GPR108: variants seen among roughly 807,000 people sequenced by gnomAD.
GPR108 encodes G protein-coupled receptor 108.
Under a neutral mutation model 74.3 loss-of-function variants are expected in GPR108, and 60 were observed. The observed-to-expected ratio is 0.81, with a 90% CI of 0.66 to 1.00. The LOEUF (loss-of-function observed/expected upper bound fraction) is 1.00, where lower values mean the gene tolerates loss of function less well. GPR108 is among the 50% of genes least tolerant of loss of function. GPR108 has a pLI of 0.00. For missense variants in GPR108, 667 were observed against 703.3 expected, an observed-to-expected ratio of 0.95 and a Z score of 0.58; for synonymous variants, 311 against 292.4, an observed-to-expected ratio of 1.06 and a Z score of -0.65.
chr19:6,737,302 C>T (rs1452808680), intron 1 of GPR108, 155 bp downstream of exon 1: 13 of 990,908 alleles, frequency 1.3e-5, no homozygotes, highest in Middle Eastern at 3.3e-4. Flanking sequence ...AAGGGGATCC[C>T]GGGACGAGAC....
In GPR108 at chr19:6,732,095, C is replaced by T. The variant is rs772339149; in HGVS notation, c.1186G>A (p.Val396Met). 2.3e-5 allele frequency: 37 copies of T among 1,613,882 alleles called. No individual in the cohort carries two copies. The East Asian group carries it at 4.5e-4, about 19-fold the overall frequency. The change falls in exon 13 of 18, where the codon GTG becomes ATG. Residue 396 changes from valine to methionine, a missense_variant. Coordinates refer to ENST00000264080, the MANE Select transcript of GPR108 (RefSeq NM_001080452.2). ...AGGAACAAAATCTCCTTCCACAGCA[C>T]GTAGTCGCTGGCGCCTTCCTCGCGG... ...ESREEGASDY[V>M]LWKEILFLVD...
At chr19:6,736,244 C>G (rs1411075257) in intron 2 of GPR108, among the ~76,000 whole-genome samples, 1 of 152,136 alleles carries the variant, frequency 6.6e-6, no homozygotes, top group African/African-American at 2.4e-5. Flanking sequence ...ACAGGCACAC[C>G]TCACCACGCC....
At position 6,734,181 on chromosome 19, in the gene GPR108, A is replaced by G; in HGVS notation, c.499+2T>C. 1 of 1,614,180 alleles carries G rather than the reference A, an allele frequency of 6.2e-7. No individual in the cohort carries two copies. The highest frequency in any genetic ancestry group is 8.5e-7 in the Non-Finnish European group (1 of 1,180,026). On this transcript the variant is annotated splice_donor_variant, in intron 5 of 17. Coordinates refer to ENST00000264080, the MANE Select transcript of GPR108 (RefSeq NM_001080452.2). LOFTEE classifies it high-confidence loss of function. ...CCCGTCTGCACAGCCAGCCTGACTCACCGCCATCCACCTTGCGGGGGACTG... is the reference window on the plus strand; with the variant it reads ...CCCGTCTGCACAGCCAGCCTGACTCGCCGCCATCCACCTTGCGGGGGACTG...
At chr19:6,736,837 TGAC>T in intron 1 of GPR108, 126 bp from the exon 2 acceptor site, 1 of 1,346,420 alleles carries the variant, frequency 7.4e-7, no homozygotes, top group Non-Finnish European at 1.0e-6. Flanking sequence ...GCCCAGAGGA[TGAC>T]AAGAGAAAGT....
chr19:6,732,415 G>C, intron 11 of GPR108, 35 bp from the exon 12 acceptor site: 1 of 1,610,354 alleles, frequency 6.2e-7, no homozygotes, highest in Non-Finnish European at 8.5e-7. Flanking sequence ...TGATGAGGTG[G>C]GGGGCCAACC....
At position 6,733,176 on chromosome 19, in the gene GPR108, G is replaced by A. The variant is rs1157462719; in HGVS notation, c.849C>T (p.Cys283=). The A allele has an allele frequency of 2.5e-6, 4 of 1,613,966 alleles. No individual in the cohort carries two copies. The East Asian group carries it at 8.9e-5, about 36-fold the overall frequency. ...AGGGGCAGGGGCATTACGTGTTCCT[G>A]CAGAGGATGGACACCCAGAAGATGC... ...AAGIFWVSIL[C]RNTYSVFKIH... Residue 283 remains cysteine, a synonymous_variant, in exon 9 of 18, where the codon TGC becomes TGT. Transcript: ENST00000264080.
chr19:6,737,107 G>GC (rs1412704765), intron 1 of GPR108: 18 of 387,698 alleles, frequency 4.6e-5, no homozygotes, highest in African/African-American at 2.3e-4. Context: ...CCACTCTATA[G>GC]CCCCCCAGGA....
intron 4 of GPR108, 191 bp downstream of exon 4, chr19:6,735,431 C>T (rs1305029330): frequency 1.7e-6 from 1 of 585,764 alleles, no homozygotes; most frequent in East Asian, 2.9e-5. Flanking sequence ...GTCTTCTGCC[C>T]TGAGACACCA....
At chr19:6,734,982 G>A (rs1599546770) in intron 4 of GPR108, among the ~76,000 whole-genome samples, 2 of 152,006 alleles carry the variant, frequency 1.3e-5, no homozygotes, top group East Asian at 3.9e-4. Flanking sequence ...CCCAGCTCAG[G>A]AGATCCTCTC....
intron 1 of GPR108, 139 bp downstream of exon 1, chr19:6,737,318 C>T: frequency 8.8e-7 from 1 of 1,140,814 alleles, no homozygotes; most frequent in Non-Finnish European, 1.2e-6. Flanking sequence ...GAGACCACTC[C>T]GGGCCCGGAA....
At position 6,735,925 on chromosome 19, in the gene GPR108, T is replaced by A; in HGVS notation, c.274A>T (p.Arg92Ter). Residue 92 changes from arginine (R) to a stop codon, truncating the protein, a stop_gained, in exon 3 of 18, where the codon AGA becomes TGA. Coordinates refer to ENST00000264080, the MANE Select transcript of GPR108 (RefSeq NM_001080452.2). LOFTEE classifies it high-confidence loss of function. The part of the protein sequence containing the change: ...GFSLSRVRSG[R>*]VRSYSTRDFQ... Reference sequence around the variant, plus strand: ...CCACTCACTGAATAGGAGCGAACTCTGCCAGACCGAACCCGGCTGAGACTG... The same window carrying A: ...CCACTCACTGAATAGGAGCGAACTCAGCCAGACCGAACCCGGCTGAGACTG... 1 of 1,611,746 alleles carries A rather than the reference T, an allele frequency of 6.2e-7. No homozygotes were observed. The highest frequency in any genetic ancestry group is 8.5e-7 in the Non-Finnish European group (1 of 1,178,902).
intron 4 of GPR108, chr19:6,735,262 G>A (rs1211599386): frequency 5.5e-6 from 1 of 182,512 alleles, no homozygotes; most frequent in African/African-American, 2.4e-5. Context: ...CCTGGCCCCA[G>A]AATCCCAGTT....
At chr19:6,734,832 A>G (rs1188657665) in intron 4 of GPR108, among the ~76,000 whole-genome samples, 1 of 150,438 alleles carries the variant, frequency 6.6e-6, no homozygotes, top group Non-Finnish European at 1.5e-5. Flanking sequence ...GGCATGAGCC[A>G]CCATGGCCAG....
intron 3 of GPR108, 101 bp downstream of exon 3, chr19:6,735,807 C>A: frequency 6.5e-7 from 1 of 1,527,116 alleles, no homozygotes; most frequent in Non-Finnish European, 9.0e-7. Context: ...CTGCTCCTGC[C>A]TCTGACAAAG....
chr19:6,730,620 T>C (rs12981348), intron 17 of GPR108: 331,609 of 535,426 alleles, frequency 0.62, 104,528 homozygotes, highest in Non-Finnish European at 0.67. Context: ...CCACCCACTC[T>C]ACCCGTAACC....
chr19:6,734,036 C>G lies in GPR108; in HGVS notation c.518G>C (p.Ser173Thr). The change falls in exon 6 of 18, where the codon AGC (serine) becomes ACC (threonine). Residue 173 changes from serine (S) to threonine (T), a missense_variant. Physicochemically the swap from Ser to Thr is moderately conservative, Grantham distance 58. Coordinates refer to ENST00000264080, the MANE Select transcript of GPR108 (RefSeq NM_001080452.2). ...CACTGCGGGTGTTGACTTGGGCTTG[C>G]TGGCTGCAGAGGTCCCTCCTGTAAG... ...KVDGGGTSAASKPKSTPAVIQ... is the reference protein window; with the variant it reads ...KVDGGGTSAATKPKSTPAVIQ... The G allele has an allele frequency of 1.9e-6, 3 of 1,614,180 alleles. No individual in the cohort carries two copies. Among genetic ancestry groups the G allele is most frequent in the Non-Finnish European group, 2.5e-6 (3 of 1,180,034 alleles).
Position 6,736,573 on chromosome 19 carries a change from ACTC to A in GPR108, c.240+16_240+18del, listed in dbSNP as rs763171191. 41 of 1,609,650 alleles carry A rather than the reference ACTC, an allele frequency of 2.5e-5. No homozygotes were observed. Among genetic ancestry groups the A allele is most frequent in the Admixed American group, 6.7e-5 (4 of 59,290 alleles). ...ATTGCACCGTGCTCTCCTCCAGCAAACTCCTCAAGGTCCCTCACCAGCAGGGAC... is the reference window on the plus strand; with the variant it reads ...ATTGCACCGTGCTCTCCTCCAGCAAACTCAAGGTCCCTCACCAGCAGGGAC... On this transcript the variant is annotated intron_variant, in intron 2 of 17. Coordinates refer to ENST00000264080, the MANE Select transcript of GPR108 (RefSeq NM_001080452.2).
chr19:6,731,527 G>A lies in GPR108; in HGVS notation c.1301-5C>T, dbSNP rs1222891799. On this transcript the variant is annotated splice_polypyrimidine_tract_variant and splice_region_variant and intron_variant, in intron 14 of 17. Transcript: ENST00000264080. ...GCTTGGCCAGGTTCACTGCCACTGA[G>A]GGTGGGCACAGAGAGGGCGGTCAGG... The A allele has an allele frequency of 2.0e-6, 3 of 1,519,010 alleles. No individual in the cohort carries two copies. The highest frequency in any genetic ancestry group is 2.6e-6 in the Non-Finnish European group (3 of 1,134,906). 94.1% of individuals were successfully genotyped at this position (1,519,010 alleles called of 1,614,324 possible).
chr19:6,734,526 ATGACATCAATCTACTC>A (rs1968552897), intron 4 of GPR108, among the ~76,000 whole-genome samples: 1 of 152,132 alleles, frequency 6.6e-6, no homozygotes. Flanking sequence ...GTCATTTCCC[ATGACATCAATCTACTC>A]TTTTTCTCTT....
Sources: allele counts gnomAD v4.1 joint callset (sites outside exome capture counted in the v4.1 genomes callset), GRCh38; gene constraint gnomAD v4.1.1; transcripts MANE v1.5; gene names NCBI Gene and HGNC (gene_info 2026-07-23, HGNC 2026-07-21).